Variants in FSTL4 observed in about 807,000 individuals in gnomAD.
FSTL4 encodes the protein follistatin-related protein 4.
FSTL4 carries 28 observed loss-of-function variants against 78.2 expected under a neutral mutation model. That is an observed-to-expected ratio of 0.36 (90% CI 0.27 to 0.49). The LOEUF (loss-of-function observed/expected upper bound fraction) is 0.49. Ranked by LOEUF, FSTL4 falls within the 20% of genes least tolerant of loss-of-function variation. The probability of loss-of-function intolerance (pLI) is 0.98; values close to 1 mark genes in which losing one functional copy is unlikely to be tolerated. For synonymous variants in FSTL4, 422 were observed against 440.5 expected, an observed-to-expected ratio of 0.96 and a Z score of 0.53; for missense variants, 922 against 1,084.9, an observed-to-expected ratio of 0.85 and a Z score of 2.11.
the FSTL4 span, among the ~76,000 whole-genome samples, chr5:133,796,535 G>T: frequency 6.6e-6 from 1 of 152,162 alleles, no homozygotes; most frequent in Non-Finnish European, 1.5e-5. Flanking sequence ...GTGGGGGATG[G>T]AATGGGAAGA....
At chr5:133,551,641 C>T (rs895446506) in intron 3 of FSTL4, among the ~76,000 whole-genome samples, 4 of 152,176 alleles carry the variant, frequency 2.6e-5, no homozygotes. Flanking sequence ...TTTATAAAAT[C>T]GTGTGATTCT....
At chr5:133,608,455 G>A (rs1761019995) in intron 1 of FSTL4, among the ~76,000 whole-genome samples, 2 of 152,252 alleles carry the variant, frequency 1.3e-5, no homozygotes, top group Non-Finnish European at 2.9e-5. Context: ...AGACCAGAAG[G>A]TGGACGAATC....
chr5:133,395,879 A>C (rs1756027138), intron 4 of FSTL4, among the ~76,000 whole-genome samples: 1 of 152,156 alleles, frequency 6.6e-6, no homozygotes, highest in South Asian at 2.1e-4. Flanking sequence ...ATTTCCTGAG[A>C]GCCCGGAGGT....
chr5:133,223,224 A>G (rs570824094), intron 11 of FSTL4, among the ~76,000 whole-genome samples: 1 of 152,316 alleles, frequency 6.6e-6, no homozygotes, highest in Non-Finnish European at 1.5e-5. Flanking sequence ...GACTGTTGCT[A>G]TTGACAGCAG....
chr5:133,708,206 A>C, the FSTL4 span, among the ~76,000 whole-genome samples: 1 of 150,776 alleles, frequency 6.6e-6, no homozygotes, highest in East Asian at 2.0e-4. Flanking sequence ...AGGGGAGGGA[A>C]GAAAAGAGGG....
the FSTL4 span, among the ~76,000 whole-genome samples, chr5:133,669,947 C>T: frequency 2.6e-5 from 4 of 152,192 alleles, no homozygotes; most frequent in Admixed American, 2.6e-4. Context: ...AAATCCTAGC[C>T]TGGGGTCACT....
intron 4 of FSTL4, among the ~76,000 whole-genome samples, chr5:133,320,913 A>G (rs936886384): frequency 3.3e-5 from 5 of 150,690 alleles, no homozygotes; most frequent in Non-Finnish European, 7.4e-5. Flanking sequence ...AGGCTGAGGC[A>G]GGAGAATGGT....
At position 133,217,222 on chromosome 5, in the gene FSTL4, G is replaced by A. The variant is rs1750937739; in HGVS notation, c.1608+7C>T. 1 of 1,612,152 alleles carries A rather than the reference G, an allele frequency of 6.2e-7. No homozygotes were observed. The highest frequency in any genetic ancestry group is 1.7e-5 in the Admixed American group (1 of 59,914). ...GAAGTTTTCCTCACTCCATTAAAGA[G>A]GTGTACCTGTAGGACTTTCTGGGCT... On this transcript the variant is annotated splice_region_variant and intron_variant, in intron 13 of 15. Coordinates refer to ENST00000265342, the MANE Select transcript of FSTL4 (RefSeq NM_015082.2).
chr5:133,587,176 C>A (rs1760528942), intron 2 of FSTL4, among the ~76,000 whole-genome samples: 1 of 11,946 alleles, frequency 8.4e-5, no homozygotes, highest in Non-Finnish European at 1.8e-4. Flanking sequence ...CAGCCAATAT[C>A]ATACTGAATG....
intron 3 of FSTL4, among the ~76,000 whole-genome samples, chr5:133,536,334 C>A (rs537579846): frequency 6.6e-6 from 1 of 152,246 alleles, no homozygotes; most frequent in African/African-American, 2.4e-5. Context: ...ACAGTACATT[C>A]TATTTTTAGA....
chr5:133,757,828 T>C, the FSTL4 span, among the ~76,000 whole-genome samples: 2 of 152,182 alleles, frequency 1.3e-5, no homozygotes, highest in African/African-American at 2.4e-5. Flanking sequence ...ACTCCACAGA[T>C]GTACAATATA....
intron 7 of FSTL4, among the ~76,000 whole-genome samples, chr5:133,243,452 A>G (rs1301685408): frequency 6.6e-6 from 1 of 152,242 alleles, no homozygotes; most frequent in Non-Finnish European, 1.5e-5. Context: ...AGCAGCCAGT[A>G]AGAATAGGAG....
At chr5:133,617,345 A>G (rs1761218518), upstream of FSTL4, among the ~76,000 whole-genome samples, 1 of 150,756 alleles carries the variant, frequency 6.6e-6, no homozygotes, top group Non-Finnish European at 1.5e-5. Context: ...GCACCAAATG[A>G]TAGCGAGAAA....
intron 2 of FSTL4, among the ~76,000 whole-genome samples, chr5:133,589,353 C>A (rs1306601843): frequency 6.6e-6 from 1 of 151,482 alleles, no homozygotes; most frequent in Non-Finnish European, 1.5e-5. Context: ...GTGGTCAACC[C>A]TTAGGAACTT....
intron 3 of FSTL4, among the ~76,000 whole-genome samples, chr5:133,459,651 A>G (rs1370081474): frequency 1.3e-5 from 2 of 152,190 alleles, no homozygotes; most frequent in Non-Finnish European, 2.9e-5. Flanking sequence ...GTCCTCCAGC[A>G]GTTTGTAGTC....
chr5:133,468,294 C>T lies in FSTL4; in HGVS notation c.161-67308G>A, dbSNP rs535467653. ...TGTCCCTGCCCCAGGGCATCGCTCT[C>T]CTGGTTTGCAGATGACTCCATCCCA... is the stretch of plus-strand genomic sequence containing the variant. On this transcript the variant is annotated intron_variant, in intron 3 of 15. Transcript: ENST00000265342. 9.2e-5 allele frequency among the ~76,000 whole-genome samples: 14 copies of T among 152,352 alleles called. No homozygotes were observed. In the South Asian group the frequency reaches 1.2e-3, roughly 14 times the overall value.
chr5:133,452,102 T>C (rs1226481800), intron 3 of FSTL4, among the ~76,000 whole-genome samples: 1 of 152,222 alleles, frequency 6.6e-6, no homozygotes, highest in East Asian at 1.9e-4. Context: ...CAGCAGGCTG[T>C]TGGGGCACAG....
the FSTL4 span, among the ~76,000 whole-genome samples, chr5:133,699,280 G>A: frequency 2.0e-5 from 3 of 152,110 alleles, no homozygotes; most frequent in African/African-American, 4.8e-5. Context: ...AGGCCATTTG[G>A]AGCTGGGAAG....
In FSTL4 at chr5:133,603,911, C is replaced by T. The variant is rs1449757069; in HGVS notation, c.73G>A (p.Asp25Asn). The change falls in exon 2 of 16, where the codon GAC (aspartate) becomes AAC (asparagine). Residue 25 changes from aspartate to asparagine, a missense_variant. Transcript: ENST00000265342. Reference protein sequence around the residue: ...ASLPAALGWMDPGTSRGPDVG... With the variant: ...ASLPAALGWMNPGTSRGPDVG... ...TCCGGGCCTCTGCTGGTTCCTGGGT[C>T]CATCCATCCCAGCGCAGCCGGCAGG... 1 of 1,613,882 alleles carries T rather than the reference C, an allele frequency of 6.2e-7. No homozygotes were observed. Among genetic ancestry groups the T allele is most frequent in the Non-Finnish European group, 8.5e-7 (1 of 1,179,738 alleles).
Sources: allele counts gnomAD v4.1 joint callset (sites outside exome capture counted in the v4.1 genomes callset), GRCh38; gene constraint gnomAD v4.1.1; transcripts MANE v1.5; gene names NCBI Gene and HGNC (gene_info 2026-07-23, HGNC 2026-07-21).